The following TCF7L2 variants were observed in gnomAD, a reference collection of about 807,000 sequenced individuals.
The protein encoded by TCF7L2 is transcription factor 7-like 2.
TCF7L2 carries 23 observed loss-of-function variants against 77.9 expected under a neutral mutation model. The ratio of observed to expected loss-of-function variants is 0.30; its 90% confidence interval spans 0.21 to 0.42. The LOEUF (loss-of-function observed/expected upper bound fraction) is 0.42, where lower values mean the gene tolerates loss of function less well. TCF7L2 is among the 10% of genes least tolerant of loss of function. The pLI is 1.00. For synonymous variants in TCF7L2, 413 were observed against 340.2 expected, an observed-to-expected ratio of 1.21 and a Z score of -2.36; for missense variants, 654 against 793.1, an observed-to-expected ratio of 0.82 and a Z score of 2.11.
At chr10:113,144,821 G>A (rs2069035096) in intron 7 of TCF7L2, among the ~76,000 whole-genome samples, 1 of 152,156 alleles carries the variant, frequency 6.6e-6, no homozygotes, top group African/African-American at 2.4e-5. Context: ...GAGTAGAAAG[G>A]CCTTTGATGC....
chr10:113,040,186 T>G (rs2052187667), intron 5 of TCF7L2, 60 bp downstream of exon 5: 1 of 1,466,072 alleles, frequency 6.8e-7, no homozygotes, highest in African/African-American at 1.4e-5. Flanking sequence ...AGAAAATGCT[T>G]TTTTGATGAT....
intron 12 of TCF7L2, among the ~76,000 whole-genome samples, chr10:113,159,221 T>G (rs1040678615): frequency 6.6e-6 from 1 of 152,194 alleles, no homozygotes; most frequent in Non-Finnish European, 1.5e-5. Context: ...TTTTACTGAC[T>G]GTGCCTGCTT....
At chr10:113,154,997 T>A (rs975701727) in intron 11 of TCF7L2, among the ~76,000 whole-genome samples, 1 of 152,112 alleles carries the variant, frequency 6.6e-6, no homozygotes, top group Non-Finnish European at 1.5e-5. Context: ...TTTTTTTTTT[T>A]TTTAACTAAC....
In TCF7L2 at chr10:113,087,627, C is replaced by A. The variant is rs576647771; in HGVS notation, c.552+47501C>A. ...GGAGGCTCTGCTTGCCAGACGGAGA[C>A]CTTAGACCTCCAGGGGTGGAGAACG... On this transcript the variant is annotated intron_variant, in intron 5 of 13. Coordinates refer to ENST00000627217, the MANE Select transcript of TCF7L2 (RefSeq NM_001146274.2). 5.9e-5 allele frequency among the ~76,000 whole-genome samples: 9 copies of A among 152,288 alleles called. No individual in the cohort carries two copies. The South Asian group carries it at 6.2e-4, about 11-fold the overall frequency.
intron 4 of TCF7L2, among the ~76,000 whole-genome samples, chr10:113,002,881 T>C (rs985754517): frequency 6.6e-6 from 1 of 152,240 alleles, no homozygotes; most frequent in African/African-American, 2.4e-5. Context: ...TTAGATAGAA[T>C]CATTTTGAAC....
At chr10:113,160,775 G>A (rs1046144551) in intron 13 of TCF7L2, 14 of 1,298,558 alleles carry the variant, frequency 1.1e-5, no homozygotes, top group Non-Finnish European at 1.5e-5. Context: ...TTTTGACCTC[G>A]TTCCCCATCT....
chr10:113,165,527 C>T (rs2137642932), intron 13 of TCF7L2, 28 bp from the exon 15 acceptor site: 1 of 1,611,018 alleles, frequency 6.2e-7, no homozygotes, highest in Non-Finnish European at 8.5e-7. Flanking sequence ...GCCCTCTATT[C>T]ACAGATAACT....
chr10:113,084,907 C>G (rs1175031908), intron 5 of TCF7L2, among the ~76,000 whole-genome samples: 3 of 150,130 alleles, frequency 2.0e-5, no homozygotes, highest in Admixed American at 2.0e-4. Flanking sequence ...AGCCACCCCC[C>G]CCCAAAAAAA....
chr10:113,144,079 T>C (rs1487732683), intron 7 of TCF7L2, 54 bp downstream of exon 7: 17 of 1,411,054 alleles, frequency 1.2e-5, no homozygotes, highest in Non-Finnish European at 1.7e-5. Context: ...GGCATGTTTA[T>C]TATTTATTCT....
At chr10:113,141,771 C>T (rs983577233) in intron 6 of TCF7L2, among the ~76,000 whole-genome samples, 18 of 152,180 alleles carry the variant, frequency 1.2e-4, no homozygotes, top group South Asian at 8.3e-4. Context: ...TAAGAGGCTC[C>T]AGTCACTACT....
intron 4 of TCF7L2, among the ~76,000 whole-genome samples, chr10:113,015,054 C>T (rs1006140323): frequency 2.0e-5 from 3 of 152,094 alleles, no homozygotes; most frequent in South Asian, 4.2e-4. Context: ...GGCGTGGTAG[C>T]GGACGCCTGT....
intron 4 of TCF7L2, among the ~76,000 whole-genome samples, chr10:112,983,339 T>C (rs2040853784): frequency 6.6e-6 from 1 of 151,900 alleles, no homozygotes; most frequent in African/African-American, 2.4e-5. Context: ...GGCATGGTGG[T>C]GGGCGCCTGT....
At chr10:113,122,854 C>G (rs1026106991) in intron 5 of TCF7L2, among the ~76,000 whole-genome samples, 1 of 152,088 alleles carries the variant, frequency 6.6e-6, no homozygotes, top group Non-Finnish European at 1.5e-5. Flanking sequence ...TTGCTGCAAC[C>G]GTTATAGGGA....
In TCF7L2 at chr10:113,041,616, AC is replaced by A. The variant is rs147084087; in HGVS notation, c.552+1491del. The stretch of plus-strand genomic sequence containing the variant: ...ACTGTAAATTGGGTCATGGTCAGGG[AC>A]AGTGCATAGGTGTAAAGAAGTTGCT... On this transcript the variant is annotated intron_variant, in intron 5 of 13. Transcript: ENST00000627217. 4.9e-3 allele frequency among the ~76,000 whole-genome samples: 749 copies of A among 152,308 alleles called. 9 individuals are homozygous for A. The highest frequency in any genetic ancestry group is 0.017 in the African/African-American group (709 of 41,556).
chr10:113,147,200 G>A (rs1263515097), intron 8 of TCF7L2, among the ~76,000 whole-genome samples: 1 of 152,192 alleles, frequency 6.6e-6, no homozygotes, highest in Non-Finnish European at 1.5e-5. Flanking sequence ...CCATTCTGAT[G>A]ATGGCACATA....
chr10:112,974,508 AT>A (rs1277242035), intron 4 of TCF7L2, among the ~76,000 whole-genome samples: 1 of 151,970 alleles, frequency 6.6e-6, no homozygotes, highest in Non-Finnish European at 1.5e-5. Context: ...CAGTGGCGCG[AT>A]CTCGGCTCAC....
At chr10:112,993,505 C>CA (rs1460416470) in intron 4 of TCF7L2, among the ~76,000 whole-genome samples, 12 of 149,708 alleles carry the variant, frequency 8.0e-5, no homozygotes, top group African/African-American at 3.0e-4. Flanking sequence ...GACTCTGTCT[C>CA]AAAAAAAGAA....
intron 6 of TCF7L2, among the ~76,000 whole-genome samples, chr10:113,142,938 A>C (rs1218081090): frequency 6.6e-6 from 1 of 152,276 alleles, no homozygotes; most frequent in Non-Finnish European, 1.5e-5. Flanking sequence ...CAATGTCTGC[A>C]TGAAAATGTC....
chr10:113,135,617 A>G (rs1299329917), intron 5 of TCF7L2, among the ~76,000 whole-genome samples: 1 of 152,192 alleles, frequency 6.6e-6, no homozygotes, highest in Non-Finnish European at 1.5e-5. Context: ...AACTGACGAC[A>G]TAAAGTGTTT....
Sources: allele counts gnomAD v4.1 joint callset (sites outside exome capture counted in the v4.1 genomes callset), GRCh38; gene constraint gnomAD v4.1.1; transcripts MANE v1.5; gene names NCBI Gene and HGNC (gene_info 2026-07-23, HGNC 2026-07-21).